The following FAM120A variants were observed in gnomAD, a reference collection of about 807,000 sequenced individuals.
FAM120A encodes constitutive coactivator of PPAR-gamma-like protein 1.
A neutral mutation model predicts 109.7 loss-of-function variants in FAM120A; 15 were observed. That is an observed-to-expected ratio of 0.14 (90% CI 0.09 to 0.21). The LOEUF is 0.21. Among genes scored for constraint, FAM120A ranks in the 10% least tolerant of loss-of-function variants. FAM120A has a pLI of 1.00. For synonymous variants in FAM120A, 493 were observed against 572.8 expected (o/e 0.86, Z 1.99); for missense variants, 899 against 1,439.3 (o/e 0.62, Z 6.07).
intron 15 of FAM120A, 125 bp downstream of exon 15, chr9:93,558,843 G>GA: frequency 8.9e-7 from 1 of 1,128,362 alleles, no homozygotes; most frequent in Non-Finnish European, 1.3e-6. Flanking sequence ...CTTTCTTCTG[G>GA]GTCCCCGCTC....
intron 3 of FAM120A, among the ~76,000 whole-genome samples, chr9:93,479,165 C>T (rs1187546052): frequency 1.5e-5 from 2 of 129,640 alleles, no homozygotes; most frequent in Non-Finnish European, 3.1e-5. Context: ...GTGGCGGGAT[C>T]TCGGCTCACT....
At chr9:93,460,528 G>C (rs1458777899) in intron 1 of FAM120A, among the ~76,000 whole-genome samples, 1 of 152,110 alleles carries the variant, frequency 6.6e-6, no homozygotes, top group Non-Finnish European at 1.5e-5. Context: ...GTAGAGACAG[G>C]GTTTCACTAT....
At chr9:93,556,241 A>G (rs2131558988) in intron 12 of FAM120A, 141 bp from the exon 13 acceptor site, 1 of 641,152 alleles carries the variant, frequency 1.6e-6, no homozygotes, top group South Asian at 1.9e-5. Flanking sequence ...TTAGGTCAAT[A>G]TAAGGTAATG....
chr9:93,497,481 A>T lies in FAM120A; in HGVS notation c.815A>T (p.His272Leu). Residue 272 changes from histidine to leucine, a missense_variant, in exon 4 of 18, where the codon CAC (histidine) becomes CTC (leucine). Physicochemically the swap from His to Leu is moderately conservative, Grantham distance 99. Transcript: ENST00000277165. ...HPLASLKVRAHQLVLPPCDVV... is the reference protein window; with the variant it reads ...HPLASLKVRALQLVLPPCDVV... ...CGTTTGTTTTCTCAGGTCCGGGCCC[A>T]CCAGCTGGTCTTGCCACCTTGCGAC... 6.2e-7 allele frequency: 1 copy of T among 1,613,558 alleles called. No homozygotes were observed. Among genetic ancestry groups the T allele is most frequent in the South Asian group, 1.1e-5 (1 of 90,992 alleles).
intron 5 of FAM120A, among the ~76,000 whole-genome samples, chr9:93,504,716 A>AGCT (rs1414941841): frequency 6.6e-6 from 1 of 152,186 alleles, no homozygotes; most frequent in African/African-American, 2.4e-5. Flanking sequence ...GACTGTTTCC[A>AGCT]GCTGCTTGCC....
intron 5 of FAM120A, among the ~76,000 whole-genome samples, chr9:93,514,993 A>G (rs1452845214): frequency 2.0e-5 from 3 of 152,176 alleles, no homozygotes; most frequent in Non-Finnish European, 4.4e-5. Context: ...CATTTTTGCA[A>G]GGTAGCGTGG....
At chr9:93,483,776 T>C (rs890656361) in intron 3 of FAM120A, among the ~76,000 whole-genome samples, 1 of 152,232 alleles carries the variant, frequency 6.6e-6, no homozygotes, top group African/African-American at 2.4e-5. Context: ...TACAGATTCA[T>C]TGTACTGGAT....
At chr9:93,491,867 AAGC>A (rs1859336739) in intron 3 of FAM120A, among the ~76,000 whole-genome samples, 1 of 152,180 alleles carries the variant, frequency 6.6e-6, no homozygotes, top group Non-Finnish European at 1.5e-5. Context: ...TGATTAAAGA[AAGC>A]AGAGGAGGAA....
intron 7 of FAM120A, among the ~76,000 whole-genome samples, chr9:93,519,573 T>C (rs1860754715): frequency 6.6e-6 from 1 of 152,070 alleles, no homozygotes; most frequent in Admixed American, 6.5e-5. Flanking sequence ...GACTGTAAAA[T>C]AGCGGAGGCG....
intron 1 of FAM120A, among the ~76,000 whole-genome samples, chr9:93,461,565 T>C (rs939200798): frequency 6.6e-6 from 1 of 152,160 alleles, no homozygotes; most frequent in Non-Finnish European, 1.5e-5. Context: ...ATTACTAGAG[T>C]AGGCTAAATA....
intron 12 of FAM120A, among the ~76,000 whole-genome samples, chr9:93,556,017 T>C (rs1862269757): frequency 2.0e-5 from 3 of 152,280 alleles, no homozygotes; most frequent in Admixed American, 1.3e-4. Flanking sequence ...AAATGTGAAG[T>C]GTTATTTTAC....
At chr9:93,486,049 T>C (rs1859034489) in intron 3 of FAM120A, among the ~76,000 whole-genome samples, 1 of 152,176 alleles carries the variant, frequency 6.6e-6, no homozygotes, top group Non-Finnish European at 1.5e-5. Context: ...CATAGCTGAC[T>C]GTAACTTTGA....
At chr9:93,482,948 G>T (rs969358081) in intron 3 of FAM120A, among the ~76,000 whole-genome samples, 2 of 152,206 alleles carry the variant, frequency 1.3e-5, no homozygotes, top group Non-Finnish European at 2.9e-5. Context: ...GCTTTTGTCC[G>T]AGAAGAGCTG....
chr9:93,516,391 G>A, intron 7 of FAM120A, 122 bp downstream of exon 7: 6 of 1,406,272 alleles, frequency 4.3e-6, no homozygotes, highest in Non-Finnish European at 5.8e-6. Context: ...GGTGGGTGAT[G>A]GTCAGTCTGT....
chr9:93,561,968 C>T (rs543672996), intron 16 of FAM120A, among the ~76,000 whole-genome samples: 5 of 152,286 alleles, frequency 3.3e-5, no homozygotes, highest in Admixed American at 6.5e-5. Flanking sequence ...TATGATCATA[C>T]TTAACCTGTT....
At chr9:93,475,936 T>C (rs10821134) in intron 2 of FAM120A, among the ~76,000 whole-genome samples, 39,986 of 152,164 alleles carry the variant, frequency 0.26, 6,488 homozygotes, top group East Asian at 0.43. Context: ...TTGAATCTAA[T>C]TGGTATTTGA....
intron 11 of FAM120A, among the ~76,000 whole-genome samples, chr9:93,548,494 A>T (rs1481713394): frequency 1.3e-5 from 2 of 152,156 alleles, no homozygotes; most frequent in Admixed American, 1.3e-4. Context: ...AGTTCTGTGG[A>T]TGGATGATGG....
At chr9:93,465,498 G>A (rs1857976687) in intron 1 of FAM120A, among the ~76,000 whole-genome samples, 1 of 152,062 alleles carries the variant, frequency 6.6e-6, no homozygotes, top group Non-Finnish European at 1.5e-5. Flanking sequence ...TCACGTGCCT[G>A]TTATACTTTG....
At chr9:93,453,556 G>A (rs1017410044) in intron 1 of FAM120A, 7 of 985,270 alleles carry the variant, frequency 7.1e-6, no homozygotes, top group Admixed American at 6.2e-5. Flanking sequence ...CCCACTGCCC[G>A]CGAGGAGATG....
Sources: allele counts gnomAD v4.1 joint callset (sites outside exome capture counted in the v4.1 genomes callset), GRCh38; gene constraint gnomAD v4.1.1; transcripts MANE v1.5; gene names NCBI Gene and HGNC (gene_info 2026-07-23, HGNC 2026-07-21).